Variants in SLX4IP observed in about 807,000 individuals in gnomAD.
The protein encoded by SLX4IP is SLX4 interacting protein.
SLX4IP carries 34 observed loss-of-function variants against 32.9 expected under a neutral mutation model. That is an observed-to-expected ratio of 1.03 (90% CI 0.79 to 1.38). SLX4IP has a LOEUF of 1.38. Ranked by LOEUF, SLX4IP falls within the 40% of genes most tolerant of loss-of-function variation. The pLI, the probability that SLX4IP is intolerant of heterozygous loss-of-function variation, is 0.00. For missense variants in SLX4IP, 444 were observed against 479.0 expected (o/e 0.93, Z 0.68); for synonymous variants, 172 against 171.7 (o/e 1.00, Z -0.01).
intron 4 of SLX4IP, 105 bp from the exon 5 acceptor site, chr20:10,598,570 G>A: frequency 9.3e-7 from 1 of 1,073,852 alleles, no homozygotes; most frequent in Non-Finnish European, 1.4e-6. Flanking sequence ...AGCTTCATTT[G>A]CTAAATAACT....
At chr20:10,534,313 T>C (rs994759213) in intron 2 of SLX4IP, among the ~76,000 whole-genome samples, 4 of 152,220 alleles carry the variant, frequency 2.6e-5, no homozygotes, top group African/African-American at 7.2e-5. Flanking sequence ...GCACCTTCTG[T>C]GGGCTAGGCA....
At chr20:10,443,247 C>T (rs534342550) in intron 1 of SLX4IP, among the ~76,000 whole-genome samples, 1 of 151,952 alleles carries the variant, frequency 6.6e-6, no homozygotes. Flanking sequence ...AAACAAAAAA[C>T]CACATTCTGA....
At chr20:10,539,839 A>AT (rs1477399928) in intron 2 of SLX4IP, among the ~76,000 whole-genome samples, 4 of 152,120 alleles carry the variant, frequency 2.6e-5, no homozygotes, top group Admixed American at 2.6e-4. Flanking sequence ...TCATTGGCGT[A>AT]GAATTTGGAC....
intron 1 of SLX4IP, among the ~76,000 whole-genome samples, chr20:10,456,941 T>G (rs981649183): frequency 6.6e-6 from 1 of 152,238 alleles, no homozygotes; most frequent in African/African-American, 2.4e-5. Flanking sequence ...AATCTTGTAC[T>G]TTTGCTATGC....
intron 2 of SLX4IP, among the ~76,000 whole-genome samples, chr20:10,502,949 G>A (rs1168211023): frequency 6.6e-6 from 1 of 152,094 alleles, no homozygotes; most frequent in Non-Finnish European, 1.5e-5. Context: ...CCTTCACAAT[G>A]GGCATCTGGC....
chr20:10,465,336 C>T (rs1203900408), intron 2 of SLX4IP, among the ~76,000 whole-genome samples: 1 of 152,120 alleles, frequency 6.6e-6, no homozygotes, highest in Non-Finnish European at 1.5e-5. Context: ...TTACCGGAAT[C>T]CAGCCACTCC....
At chr20:10,563,138 G>A (rs1048251541) in intron 4 of SLX4IP, among the ~76,000 whole-genome samples, 5 of 152,154 alleles carry the variant, frequency 3.3e-5, no homozygotes, top group African/African-American at 1.2e-4. Flanking sequence ...TTGTGGTTTT[G>A]ATTTGCATTT....
chr20:10,502,876 T>C (rs912122661), intron 2 of SLX4IP, among the ~76,000 whole-genome samples: 1 of 152,232 alleles, frequency 6.6e-6, no homozygotes, highest in African/African-American at 2.4e-5. Context: ...TAAAATAATG[T>C]CTGGCACATA....
intron 2 of SLX4IP, among the ~76,000 whole-genome samples, chr20:10,549,413 C>T (rs1201772681): frequency 6.6e-6 from 1 of 152,100 alleles, no homozygotes; most frequent in Non-Finnish European, 1.5e-5. Context: ...GGGAAAGGAG[C>T]TGTGGGACCC....
intron 5 of SLX4IP, 59 bp from the exon 6 acceptor site, chr20:10,601,672 C>T: frequency 7.0e-7 from 1 of 1,423,190 alleles, no homozygotes; most frequent in Non-Finnish European, 9.9e-7. Flanking sequence ...TCTGGAACAA[C>T]CATTCTGTGT....
chr20:10,478,299 A>G (rs1234394227), intron 2 of SLX4IP, among the ~76,000 whole-genome samples: 1 of 152,134 alleles, frequency 6.6e-6, no homozygotes, highest in Non-Finnish European at 1.5e-5. Flanking sequence ...TGTGTTTCCT[A>G]TTTAGTTCAG....
At chr20:10,472,234 C>CT (rs5840380) in intron 2 of SLX4IP, among the ~76,000 whole-genome samples, 77,071 of 142,322 alleles carry the variant, frequency 0.54, 21,734 homozygotes, top group East Asian at 0.82. Flanking sequence ...TAATACTATA[C>CT]TTTTTTTTTT....
chr20:10,544,941 G>C (rs2122483235), intron 2 of SLX4IP, among the ~76,000 whole-genome samples: 1 of 152,228 alleles, frequency 6.6e-6, no homozygotes, highest in South Asian at 2.1e-4. Flanking sequence ...GGGGCCTGTA[G>C]CAGGGGCTCT....
At position 10,623,402 on chromosome 20, in the gene SLX4IP, GGA is replaced by G; in HGVS notation, c.*25_*26del. ...TAACACCGAAGAGGTTTGTACCGTT[GGA>G]GTTGAGGACATAGTGGCCAAACCTG... On this transcript the variant is annotated 3_prime_UTR_variant, in exon 8 of 8. Coordinates refer to ENST00000334534, the MANE Select transcript of SLX4IP (RefSeq NM_001009608.3). 1 of 1,580,042 alleles carries G rather than the reference GGA, an allele frequency of 6.3e-7. No homozygotes were observed. The highest frequency in any genetic ancestry group is 8.6e-7 in the Non-Finnish European group (1 of 1,164,920).
At chr20:10,519,849 A>G (rs907656497) in intron 2 of SLX4IP, among the ~76,000 whole-genome samples, 2 of 152,168 alleles carry the variant, frequency 1.3e-5, no homozygotes, top group Admixed American at 6.5e-5. Flanking sequence ...GCCACGTATG[A>G]TGGTTCCACA....
At chr20:10,613,445 T>C in intron 6 of SLX4IP, 1 of 1,593,076 alleles carries the variant, frequency 6.3e-7, no homozygotes, top group Non-Finnish European at 8.6e-7. Flanking sequence ...ATTATTTCTT[T>C]TTTTTCTTGA....
At position 10,435,381 on chromosome 20, in the gene SLX4IP, T is replaced by G. The variant is rs2065100277; in HGVS notation, c.-102T>G. ...TGTAGTCCGAGTTTCCACAGCCAGG[T>G]ACTACTCCGCCAGTGACCCTGGACA... On this transcript the variant is annotated 5_prime_UTR_variant, in exon 1 of 8. Coordinates refer to ENST00000334534, the MANE Select transcript of SLX4IP (RefSeq NM_001009608.3). 1 of 152,286 alleles carries G rather than the reference T, an allele frequency of 6.6e-6. No homozygotes were observed. Among genetic ancestry groups the G allele is most frequent in the East Asian group, 1.9e-4 (1 of 5,184 alleles). The allele number at this position is 152,286 out of a possible 1,614,324, so 9.4% of individuals were successfully genotyped here.
intron 2 of SLX4IP, among the ~76,000 whole-genome samples, chr20:10,512,121 C>T (rs1418519857): frequency 3.9e-5 from 6 of 152,168 alleles, no homozygotes; most frequent in Admixed American, 3.9e-4. Flanking sequence ...TGCATTAACT[C>T]ATCTCTGCCA....
chr20:10,486,153 T>C lies in SLX4IP; in HGVS notation c.27+27922T>C, dbSNP rs117706905. Among the ~76,000 whole-genome samples, 353 of 151,238 alleles carry C rather than the reference T, an allele frequency of 2.3e-3. 1 individual carries two copies. Among genetic ancestry groups the C allele is most frequent in the Non-Finnish European group, 3.9e-3 (264 of 67,906 alleles). On this transcript the variant is annotated intron_variant, in intron 2 of 7. Transcript: ENST00000334534. ...TTAGTTTTCTTTTTGTTTGGCATCT[T>C]AACTAAAATAATTATCAACTCCTTG... is the stretch of plus-strand genomic sequence containing the variant.
Sources: allele counts gnomAD v4.1 joint callset (sites outside exome capture counted in the v4.1 genomes callset), GRCh38; gene constraint gnomAD v4.1.1; transcripts MANE v1.5; gene names NCBI Gene and HGNC (gene_info 2026-07-23, HGNC 2026-07-21).